Variants in SGCD observed in about 807,000 individuals in gnomAD.
The protein encoded by SGCD is sarcoglycan delta.
A neutral mutation model predicts 36.6 loss-of-function variants in SGCD; 18 were observed. The ratio of observed to expected loss-of-function variants is 0.49; its 90% CI spans 0.34 to 0.73. SGCD has a LOEUF of 0.73. Ranked by LOEUF, SGCD falls within the 30% of genes least tolerant of loss-of-function variation. The probability of loss-of-function intolerance (pLI) is 0.01; values close to 1 mark genes in which losing one functional copy is unlikely to be tolerated. For synonymous variants in SGCD, 133 were observed against 130.6 expected (o/e 1.02, Z -0.12); for missense variants, 387 against 346.7 (o/e 1.12, Z -0.92).
chr5:156,258,116 T>C (rs915617081), intron 3 of SGCD, among the ~76,000 whole-genome samples: 26 of 152,182 alleles, frequency 1.7e-4, no homozygotes, highest in African/African-American at 6.3e-4. Context: ...CTTGTCACTT[T>C]AAGGAAAATC....
At chr5:156,255,830 AT>A (rs1195169712) in intron 3 of SGCD, among the ~76,000 whole-genome samples, 7 of 151,718 alleles carry the variant, frequency 4.6e-5, no homozygotes, top group East Asian at 1.9e-4. Flanking sequence ...TTTATGTAGT[AT>A]TTTTTTCTAT....
chr5:156,073,650 T>G (rs1038991828), intron 1 of SGCD, among the ~76,000 whole-genome samples: 4 of 152,188 alleles, frequency 2.6e-5, no homozygotes, highest in African/African-American at 7.2e-5. Context: ...TAATTAGAAG[T>G]CCAGTTCTTG....
intron 1 of SGCD, among the ~76,000 whole-genome samples, chr5:155,870,581 GCAGAAAA>G (rs1755612619): frequency 6.6e-6 from 1 of 151,940 alleles, no homozygotes; most frequent in Non-Finnish European, 1.5e-5. Flanking sequence ...CTAGTGATTG[GCAGAAAA>G]ATAGAAGAAT....
At chr5:156,414,526 T>C (rs369531302) in intron 3 of SGCD, among the ~76,000 whole-genome samples, 1 of 152,214 alleles carries the variant, frequency 6.6e-6, no homozygotes, top group East Asian at 1.9e-4. Context: ...AGATAGTAAA[T>C]ATTTTCAGCT....
At chr5:156,424,448 A>G (rs998552450) in intron 3 of SGCD, among the ~76,000 whole-genome samples, 1 of 152,078 alleles carries the variant, frequency 6.6e-6, no homozygotes, top group Non-Finnish European at 1.5e-5. Context: ...GTGAGGATGT[A>G]TTTGGGATAT....
intron 3 of SGCD, among the ~76,000 whole-genome samples, chr5:156,287,654 T>A (rs1766645047): frequency 6.6e-6 from 1 of 151,878 alleles, no homozygotes; most frequent in Non-Finnish European, 1.5e-5. Context: ...TGTGTGTGTG[T>A]GTGTGTGTAT....
chr5:156,412,760 G>A (rs1308262553), intron 3 of SGCD, among the ~76,000 whole-genome samples: 2 of 150,630 alleles, frequency 1.3e-5, no homozygotes, highest in East Asian at 3.9e-4. Context: ...CACAAGAGAT[G>A]GCAGATTGAA....
At chr5:156,038,608 C>CCACA (rs112266222) in intron 1 of SGCD, among the ~76,000 whole-genome samples, 17 of 150,684 alleles carry the variant, frequency 1.1e-4, no homozygotes, top group African/African-American at 3.9e-4. Flanking sequence ...AAAATGGCTC[C>CCACA]CACACACACA....
chr5:155,785,109 A>T, the SGCD span, among the ~76,000 whole-genome samples: 5 of 151,986 alleles, frequency 3.3e-5, no homozygotes, highest in Non-Finnish European at 7.4e-5. Context: ...TCATAGCAAA[A>T]CTCTTTGTGG....
rs141462173 is a variant in SGCD, at chr5:156,115,808, A to G, written c.-281-2070A>G. Among the ~76,000 whole-genome samples, 377 of 152,142 alleles carry G rather than the reference A, an allele frequency of 2.5e-3. 1 individual carries two copies. The highest frequency in any genetic ancestry group is 7.6e-3 in the African/African-American group (316 of 41,554). ...ACAGTCTCACAGTCTGGATGTTGCC[A>G]ATTTCATCCCTCTGATATTATTTAC... is the stretch of plus-strand genomic sequence containing the variant. On this transcript the variant is annotated intron_variant, in intron 1 of 9. Coordinates refer to the SGCD transcript ENST00000517913.
chr5:156,425,286 A>T (rs747360857), intron 3 of SGCD, among the ~76,000 whole-genome samples: 4 of 152,058 alleles, frequency 2.6e-5, no homozygotes, highest in Admixed American at 6.6e-5. Context: ...AGGAGTCAGG[A>T]TGTACCCCTA....
intron 1 of SGCD, among the ~76,000 whole-genome samples, chr5:155,874,111 T>G (rs1013581285): frequency 6.6e-6 from 1 of 151,326 alleles, no homozygotes; most frequent in Non-Finnish European, 1.5e-5. Context: ...TTTTTCCCCC[T>G]TCTTTTTCTG....
intron 3 of SGCD, among the ~76,000 whole-genome samples, chr5:156,195,173 C>T (rs1420222177): frequency 6.6e-6 from 1 of 152,156 alleles, no homozygotes; most frequent in Non-Finnish European, 1.5e-5. Context: ...CTGGTTTGAT[C>T]CAGTAACCTC....
intron 3 of SGCD, among the ~76,000 whole-genome samples, chr5:156,183,190 C>T (rs1400591306): frequency 1.3e-5 from 2 of 152,082 alleles, no homozygotes; most frequent in East Asian, 3.9e-4. Flanking sequence ...CCCCAGCTGT[C>T]CCAGCTAAGA....
At chr5:156,625,262 A>G (rs1176900341) in intron 6 of SGCD, among the ~76,000 whole-genome samples, 1 of 152,178 alleles carries the variant, frequency 6.6e-6, no homozygotes, top group Non-Finnish European at 1.5e-5. Flanking sequence ...TTGGAACTAC[A>G]AATCCCTTCT....
At chr5:156,012,405 T>C (rs1211039382) in intron 1 of SGCD, among the ~76,000 whole-genome samples, 1 of 152,204 alleles carries the variant, frequency 6.6e-6, no homozygotes, top group Non-Finnish European at 1.5e-5. Context: ...GTTATGATAA[T>C]TGTCATTTTA....
At chr5:156,085,057 G>A (rs1424206183) in intron 1 of SGCD, among the ~76,000 whole-genome samples, 1 of 152,046 alleles carries the variant, frequency 6.6e-6, no homozygotes, top group African/African-American at 2.4e-5. Flanking sequence ...AATTGGTCAT[G>A]ATGTGTAATT....
intron 3 of SGCD, among the ~76,000 whole-genome samples, chr5:156,150,330 C>T (rs1028831818): frequency 2.0e-5 from 3 of 151,596 alleles, no homozygotes; most frequent in African/African-American, 7.3e-5. Flanking sequence ...CAAGGCTCAG[C>T]TTATGTTTTA....
intron 3 of SGCD, among the ~76,000 whole-genome samples, chr5:156,476,472 C>T (rs1257939806): frequency 6.6e-6 from 1 of 152,116 alleles, no homozygotes. Flanking sequence ...GCTAGAAAGA[C>T]CAAATTCTAG....
Sources: gnomAD v4.1 joint callset for allele counts (sites outside exome capture counted in the v4.1 genomes callset) on GRCh38, gnomAD v4.1.1 for gene constraint, MANE v1.5 for transcripts, NCBI Gene and HGNC (gene_info 2026-07-23, HGNC 2026-07-21) for gene names.